FLNB: variants seen among roughly 807,000 people sequenced by gnomAD.
The protein encoded by FLNB is filamin B, also known as filamin-B.
A neutral mutation model predicts 250.6 loss-of-function variants in FLNB; 111 were observed. The ratio of observed to expected loss-of-function variants is 0.44; its 90% CI spans 0.38 to 0.52. The LOEUF (loss-of-function observed/expected upper bound fraction) is 0.52, where lower values mean the gene tolerates loss of function less well. Ranked by LOEUF, FLNB falls within the 20% of genes least tolerant of loss-of-function variation. FLNB has a pLI of 0.00. For missense variants in FLNB, 2,869 were observed against 3,447.8 expected (o/e 0.83, Z 4.20); for synonymous variants, 1,302 against 1,372.1 (o/e 0.95, Z 1.13).
Position 58,148,681 on chromosome 3 carries a change from C to T in FLNB, c.5920C>T (p.His1974Tyr). Residue 1974 changes from histidine to tyrosine, a missense_variant, in exon 36 of 46, where the codon CAT becomes TAT. His to Tyr is a moderately conservative substitution (Grantham distance 83). Coordinates refer to ENST00000295956, the MANE Select transcript of FLNB (RefSeq NM_001457.4). ...CTTCATCCCCCGGGAAGTGGGCGAA[C>T]ATCTGGTCAGCATCAAGAAAAATGG... is the stretch of plus-strand genomic sequence containing the variant. ...ISFIPREVGE[H>Y]LVSIKKNGNH... 1.2e-6 allele frequency: 2 copies of T among 1,614,114 alleles called. No individual in the cohort carries two copies. Among genetic ancestry groups the T allele is most frequent in the Non-Finnish European group, 1.7e-6 (2 of 1,180,004 alleles).
At chr3:58,023,421 A>C (rs1359405259) in intron 1 of FLNB, among the ~76,000 whole-genome samples, 1 of 152,192 alleles carries the variant, frequency 6.6e-6, no homozygotes, top group Non-Finnish European at 1.5e-5. Flanking sequence ...GGAGCATTAA[A>C]AAGTTACATC....
At chr3:58,122,102 G>C (rs919537321) in intron 20 of FLNB, among the ~76,000 whole-genome samples, 1 of 149,308 alleles carries the variant, frequency 6.7e-6, no homozygotes, top group African/African-American at 2.5e-5. Context: ...CTGGGAGGCG[G>C]AGCTTGCAGT....
chr3:58,066,144 C>T (rs551365056), intron 1 of FLNB, among the ~76,000 whole-genome samples: 4 of 152,080 alleles, frequency 2.6e-5, no homozygotes, highest in South Asian at 2.1e-4. Context: ...TAGTTTAGAA[C>T]GCAATTGCTT....
chr3:58,162,137 C>T (rs528210348), intron 42 of FLNB, among the ~76,000 whole-genome samples: 3 of 152,218 alleles, frequency 2.0e-5, no homozygotes, highest in Admixed American at 6.5e-5. Flanking sequence ...TGCCAAAGGA[C>T]GTAGGGTGCA....
At position 58,141,859 on chromosome 3, in the gene FLNB, C is replaced by A; in HGVS notation, c.5111C>A (p.Ala1704Asp). 6.2e-7 allele frequency: 1 copy of A among 1,614,070 alleles called. No individual in the cohort carries two copies. Among genetic ancestry groups the A allele is most frequent in the African/African-American group, 1.3e-5 (1 of 75,056 alleles). Residue 1704 changes from alanine to aspartate, a missense_variant and splice_region_variant, in exon 30 of 46, where the codon GCC becomes GAC. By Grantham distance (126) the Ala-to-Asp change is moderately radical. This residue lies in a region of FLNB where 1,084 missense variants were observed against 1,315.5 expected (regional missense o/e 0.82). Transcript: ENST00000295956. Reference sequence around the variant, plus strand: ...TAATCTCCATTTGCCACTGACCAGGCCACAGATGGGGAAGTCACAGCCGTG... The same window carrying A: ...TAATCTCCATTTGCCACTGACCAGGACACAGATGGGGAAGTCACAGCCGTG... ...DIPNSPFTVM[A>D]TDGEVTAVEE...
intron 16 of FLNB, among the ~76,000 whole-genome samples, chr3:58,110,462 T>TA (rs1332779286): frequency 5.3e-5 from 8 of 151,540 alleles, no homozygotes; most frequent in Non-Finnish European, 4.4e-5. Flanking sequence ...TTTTTATTTT[T>TA]TTTTTGAGAT....
chr3:58,071,834 G>A (rs1230479029), intron 1 of FLNB, among the ~76,000 whole-genome samples: 1 of 152,180 alleles, frequency 6.6e-6, no homozygotes, highest in Non-Finnish European at 1.5e-5. Context: ...ACGTGGTTGC[G>A]TGGATCTGGG....
intron 25 of FLNB, among the ~76,000 whole-genome samples, chr3:58,131,489 A>G (rs1166661968): frequency 1.3e-5 from 2 of 152,212 alleles, no homozygotes; most frequent in Non-Finnish European, 2.9e-5. Flanking sequence ...CCTGAAGTGC[A>G]TTGGAACTTG....
In FLNB at chr3:58,142,713, C is replaced by T. The variant is rs1261971364; in HGVS notation, c.5245C>T (p.Leu1749=). ...MNGLGFKPFD[L]VIPFAVRKGE... is the part of the protein sequence containing the mutation. ...CGGCCTGGGATTTAAGCCTTTTGAC[C>T]TGGTCATTCCGTTTGCTGTCAGGAA... The change falls in exon 31 of 46, where the codon CTG becomes TTG. Residue 1749 remains leucine, a synonymous_variant. Coordinates refer to ENST00000295956, the MANE Select transcript of FLNB (RefSeq NM_001457.4). This position sits in a 1 kb window ranked among gnomAD's most constrained non-coding sequence, Gnocchi z 4.3. 2 of 1,614,116 alleles carry T rather than the reference C, an allele frequency of 1.2e-6. No individual in the cohort carries two copies. The highest frequency in any genetic ancestry group is 1.7e-6 in the Non-Finnish European group (2 of 1,180,046).
chr3:58,171,248 GC>G lies in FLNB; in HGVS notation c.*487del, dbSNP rs1222110087. 1.6e-5 allele frequency: 3 copies of G among 182,102 alleles called. No homozygotes were observed. The highest frequency in any genetic ancestry group is 7.2e-5 in the African/African-American group (3 of 41,888). 11.3% of individuals were successfully genotyped at this position (182,102 alleles called of 1,614,324 possible). ...TCCAGTGTCCGTGTTAATGTATTTG[GC>G]TATTAGATCACTAGCACTGCTTTAC... On this transcript the variant is annotated 3_prime_UTR_variant, in exon 46 of 46. Coordinates refer to ENST00000295956, the MANE Select transcript of FLNB (RefSeq NM_001457.4). The surrounding 1 kb of genome is among the most constrained non-coding windows in gnomAD (Gnocchi z 5.5).
At chr3:58,078,248 G>A (rs2097204409) in intron 2 of FLNB, 1 of 1,361,310 alleles carries the variant, frequency 7.3e-7, no homozygotes, top group Non-Finnish European at 9.4e-7. Context: ...TTAAACCTGG[G>A]AGTTTTTACT....
chr3:58,031,125 T>A (rs1008805141), intron 1 of FLNB, among the ~76,000 whole-genome samples: 1 of 152,218 alleles, frequency 6.6e-6, no homozygotes, highest in East Asian at 1.9e-4. Context: ...TGAAGAGGTG[T>A]ATAGGGGCTT....
rs1274335476 is a variant in FLNB at position 58,168,513 on chromosome 3, A to G, written c.7272A>G (p.Pro2424=). ...CATTATCCGTCACCATCGAAGGCCCATCCAAGGTTAAAATGGATTGCCAGG... is the reference window on the plus strand; with the variant it reads ...CATTATCCGTCACCATCGAAGGCCCGTCCAAGGTTAAAATGGATTGCCAGG... The part of the protein sequence containing the change: ...PGTLSVTIEG[P]SKVKMDCQET... Residue 2424 remains proline (P), a synonymous_variant, in exon 44 of 46, where the codon CCA becomes CCG. Transcript: ENST00000295956. 6.2e-6 allele frequency: 10 copies of G among 1,614,140 alleles called. No individual in the cohort carries two copies. In the Admixed American group the frequency reaches 1.7e-4, roughly 27 times the overall value.
chr3:58,072,640 A>G (rs947001454), intron 1 of FLNB, among the ~76,000 whole-genome samples: 1 of 152,140 alleles, frequency 6.6e-6, no homozygotes, highest in Non-Finnish European at 1.5e-5. Flanking sequence ...AGTTTGGTGA[A>G]GCGTTTGAAC....
At chr3:58,139,750 C>G (rs2097323386) in intron 29 of FLNB, among the ~76,000 whole-genome samples, 1 of 152,130 alleles carries the variant, frequency 6.6e-6, no homozygotes, top group Admixed American at 6.5e-5. Flanking sequence ...TTTTCAGAAT[C>G]TGTTTTTAGC....
intron 42 of FLNB, chr3:58,162,882 TC>T: frequency 2.2e-6 from 1 of 451,280 alleles, no homozygotes; most frequent in South Asian, 2.4e-5. Flanking sequence ...AGTGAGGTTT[TC>T]TAAAGAAAGG....
intron 10 of FLNB, 149 bp from the exon 11 acceptor site, chr3:58,104,931 C>CTGCAG (rs1230954246): frequency 2.1e-6 from 2 of 953,632 alleles, no homozygotes; most frequent in African/African-American, 3.2e-5. Context: ...GGTGAGAGGC[C>CTGCAG]TGCAGGAGGA....
intron 4 of FLNB, among the ~76,000 whole-genome samples, chr3:58,084,514 C>T (rs989483451): frequency 1.3e-5 from 2 of 151,958 alleles, no homozygotes; most frequent in South Asian, 4.1e-4. Flanking sequence ...TCATCTGCCT[C>T]TTAGCAAGTG....
Position 58,008,636 on chromosome 3 carries a change from C to T in FLNB, c.72C>T (p.Arg24=). 1 of 1,614,050 alleles carries T rather than the reference C, an allele frequency of 6.2e-7. No homozygotes were observed. The highest frequency in any genetic ancestry group is 8.5e-7 in the Non-Finnish European group (1 of 1,179,964). Residue 24 remains arginine (R), a synonymous_variant, in exon 1 of 46, where the codon CGC becomes CGT. Transcript: ENST00000295956. Reference sequence around the variant, plus strand: ...AGATCCAGCAGAACACGTTCACACGCTGGTGCAACGAGCACCTCAAGTGCG... The same window carrying T: ...AGATCCAGCAGAACACGTTCACACGTTGGTGCAACGAGCACCTCAAGTGCG... The part of the protein sequence containing the change: ...WKKIQQNTFT[R]WCNEHLKCVN...
Sources: gnomAD v4.1 joint callset for allele counts (sites outside exome capture counted in the v4.1 genomes callset) on GRCh38, gnomAD v4.1.1 for gene constraint, gnomAD v4.1.1 regional missense constraint, Gnocchi (gnomAD v3.1) non-coding constraint, MANE v1.5 for transcripts, NCBI Gene and HGNC (gene_info 2026-07-23, HGNC 2026-07-21) for gene names.